PKD2L2: variants seen among roughly 807,000 people sequenced by gnomAD.
PKD2L2 encodes polycystin-2-like protein 2.
PKD2L2 carries 67 observed loss-of-function variants against 83.9 expected under a neutral mutation model. The observed-to-expected ratio is 0.80, with a 90% CI of 0.66 to 0.98. The LOEUF (loss-of-function observed/expected upper bound fraction) is 0.98. Ranked by LOEUF, PKD2L2 falls within the 50% of genes least tolerant of loss-of-function variation. The pLI is 0.00. For missense variants in PKD2L2, 632 were observed against 717.2 expected (o/e 0.88, Z 1.36); for synonymous variants, 223 against 237.8 (o/e 0.94, Z 0.57).
intron 14 of PKD2L2, chr5:137,938,752 C>A (rs1449154772): frequency 6.6e-6 from 1 of 152,328 alleles, no homozygotes; most frequent in Non-Finnish European, 1.5e-5. Context: ...GTAATAGTGC[C>A]AGAAGTCTGA....
At chr5:137,891,900 G>C (rs1398479566) in intron 2 of PKD2L2, among the ~76,000 whole-genome samples, 1 of 152,044 alleles carries the variant, frequency 6.6e-6, no homozygotes, top group East Asian at 1.9e-4. Flanking sequence ...TGGTCAGTCT[G>C]GTCTCGAACT....
intron 8 of PKD2L2, among the ~76,000 whole-genome samples, chr5:137,918,734 T>A (rs182184033): frequency 8.7e-4 from 133 of 152,322 alleles, no homozygotes; most frequent in Admixed American, 1.6e-3. Flanking sequence ...TTCAATAGAC[T>A]CTAGAGTTCC....
At chr5:137,901,656 A>G (rs1468432302) in intron 5 of PKD2L2, among the ~76,000 whole-genome samples, 10 of 152,212 alleles carry the variant, frequency 6.6e-5, no homozygotes, top group Non-Finnish European at 1.0e-4. Context: ...TTTTTCTACA[A>G]TGGTTCCATT....
At chr5:137,930,395 G>A (rs1284915180) in intron 12 of PKD2L2, among the ~76,000 whole-genome samples, 6 of 152,038 alleles carry the variant, frequency 3.9e-5, no homozygotes, top group East Asian at 1.9e-4. Flanking sequence ...AATACAGGCC[G>A]GGTGCAGTGG....
rs370145507 is a variant in PKD2L2 at position 137,899,642 on chromosome 5, C to T, written c.651C>T (p.Asp217=). The change falls in exon 5 of 15, where the codon GAC becomes GAT. Residue 217 remains aspartate, a synonymous_variant. Transcript: ENST00000508883. ...CTGAAACCAAAAACAAGTTCATTGA[C>T]CTTCGACTGAACAGCTGGATCACAA... ...SKSETKNKFI[D]LRLNSWITRG... is the part of the protein sequence containing the mutation. 3 of 1,613,090 alleles carry T rather than the reference C, an allele frequency of 1.9e-6. No homozygotes were observed. Among genetic ancestry groups the T allele is most frequent in the Non-Finnish European group, 2.5e-6 (3 of 1,179,060 alleles).
At position 137,915,863 on chromosome 5, in the gene PKD2L2, G is replaced by C. The variant is rs556023544; in HGVS notation, c.1329-5773G>C. ...CATGTATTTACCTTTACTAAGAACT[G>C]TGTTCCTTCATATGGCTTTATTATC... On this transcript the variant is annotated intron_variant, in intron 8 of 14. Coordinates refer to ENST00000508883, the MANE Select transcript of PKD2L2 (RefSeq NM_001300921.2). Among the ~76,000 whole-genome samples the C allele has an allele frequency of 2.6e-5, 4 of 152,180 alleles. No homozygotes were observed. In the East Asian group the frequency reaches 7.7e-4, roughly 29 times the overall value.
intron 12 of PKD2L2, among the ~76,000 whole-genome samples, chr5:137,933,704 T>G (rs1431060411): frequency 6.6e-6 from 1 of 152,228 alleles, no homozygotes; most frequent in African/African-American, 2.4e-5. Flanking sequence ...AACAGAATGC[T>G]GTGGTTTCCC....
chr5:137,912,314 CTT>C (rs1164340111), intron 8 of PKD2L2, among the ~76,000 whole-genome samples: 1 of 152,138 alleles, frequency 6.6e-6, no homozygotes, highest in African/African-American at 2.4e-5. Flanking sequence ...CTTGATAACA[CTT>C]GTTATCTTTT....
intron 4 of PKD2L2, among the ~76,000 whole-genome samples, chr5:137,897,033 ATATTATTATTATTAT>A (rs10536140): frequency 3.6e-4 from 50 of 137,034 alleles, no homozygotes; most frequent in East Asian, 8.3e-4. Context: ...ATACATTATT[ATATTATTATTATTAT>A]TATTATTATT....
chr5:137,928,732 T>C (rs1759593106), intron 12 of PKD2L2, among the ~76,000 whole-genome samples: 1 of 152,048 alleles, frequency 6.6e-6, no homozygotes. Context: ...GGGCCCAGGC[T>C]TTTCTTTTTT....
At chr5:137,898,390 CAG>C (rs1362429772) in intron 4 of PKD2L2, among the ~76,000 whole-genome samples, 1 of 152,162 alleles carries the variant, frequency 6.6e-6, no homozygotes, top group Non-Finnish European at 1.5e-5. Context: ...ATTTACAAGA[CAG>C]ATTATGAAGC....
At chr5:137,936,868 G>A (rs1409022814) in intron 14 of PKD2L2, among the ~76,000 whole-genome samples, 1 of 152,194 alleles carries the variant, frequency 6.6e-6, no homozygotes. Context: ...AGAATGAAGT[G>A]CCTCTGACAG....
intron 12 of PKD2L2, 49 bp from the exon 13 acceptor site, chr5:137,935,748 A>C (rs1760275784): frequency 1.0e-6 from 1 of 967,132 alleles, no homozygotes; most frequent in Non-Finnish European, 1.6e-6. Flanking sequence ...CAAAGACTTG[A>C]AATAGAGAAC....
intron 11 of PKD2L2, among the ~76,000 whole-genome samples, chr5:137,925,673 G>A (rs927318619): frequency 3.9e-5 from 6 of 152,102 alleles, no homozygotes; most frequent in Non-Finnish European, 8.8e-5. Context: ...CAGAACTCTG[G>A]CAGTGGAACA....
At chr5:137,918,892 T>A (rs1392640699) in intron 8 of PKD2L2, among the ~76,000 whole-genome samples, 4 of 151,508 alleles carry the variant, frequency 2.6e-5, no homozygotes, top group Non-Finnish European at 5.9e-5. Context: ...AGAAACTGTG[T>A]TGCTGGCCAT....
chr5:137,937,400 G>A (rs1760530833), intron 14 of PKD2L2, among the ~76,000 whole-genome samples: 1 of 152,216 alleles, frequency 6.6e-6, no homozygotes. Flanking sequence ...TGTTTGGAAA[G>A]TGTAAATGAG....
At chr5:137,889,989 T>TA (rs1417065362) in intron 1 of PKD2L2, 2 of 163,540 alleles carry the variant, frequency 1.2e-5, no homozygotes, top group African/African-American at 2.4e-5. Context: ...CATCATGATA[T>TA]AAAATCTGTT....
At chr5:137,935,547 G>C (rs1445741151) in intron 12 of PKD2L2, among the ~76,000 whole-genome samples, 3 of 152,218 alleles carry the variant, frequency 2.0e-5, no homozygotes, top group African/African-American at 7.2e-5. Flanking sequence ...GCAGTGAAAT[G>C]TAATTTATAA....
intron 4 of PKD2L2, 33 bp downstream of exon 4, chr5:137,894,642 C>T (rs1486190803): frequency 6.5e-7 from 1 of 1,527,918 alleles, no homozygotes. Context: ...GTAACTTTTT[C>T]TAGCATTTAC....
Sources: allele counts gnomAD v4.1 joint callset (sites outside exome capture counted in the v4.1 genomes callset), GRCh38; gene constraint gnomAD v4.1.1; transcripts MANE v1.5; gene names NCBI Gene and HGNC (gene_info 2026-07-23, HGNC 2026-07-21).